Variants in PLCL1 observed in about 807,000 individuals in gnomAD.
PLCL1 encodes phospholipase C like 1 (inactive).
A neutral mutation model predicts 84.4 loss-of-function variants in PLCL1; 41 were observed. The observed-to-expected ratio is 0.49, with a 90% CI of 0.38 to 0.63. PLCL1 has a LOEUF of 0.63. Among genes scored for constraint, PLCL1 ranks in the 30% least tolerant of loss-of-function variants. PLCL1 has a pLI of 0.00. For missense variants in PLCL1, 1,206 were observed against 1,367.8 expected, an observed-to-expected ratio of 0.88 and a Z score of 1.87; for synonymous variants, 490 against 488.3, an observed-to-expected ratio of 1.00 and a Z score of -0.05.
intron 5 of PLCL1, among the ~76,000 whole-genome samples, chr2:198,110,647 T>A (rs1430090617): frequency 6.6e-6 from 1 of 151,874 alleles, no homozygotes; most frequent in East Asian, 1.9e-4. Context: ...TGGGCTACCC[T>A]TCACTTACTG....
At chr2:198,104,986 C>T (rs1693439624) in intron 5 of PLCL1, among the ~76,000 whole-genome samples, 1 of 151,874 alleles carries the variant, frequency 6.6e-6, no homozygotes, top group African/African-American at 2.4e-5. Context: ...TGTTTGCTGT[C>T]TTGATAGTTT....
At chr2:197,884,804 G>C (rs1355723360) in intron 1 of PLCL1, among the ~76,000 whole-genome samples, 1 of 151,852 alleles carries the variant, frequency 6.6e-6, no homozygotes, top group Admixed American at 6.6e-5. Flanking sequence ...GATTCTTTCA[G>C]TTACCTCCTG....
rs572646246 is a variant in PLCL1, at chr2:198,142,152, A to AT, written c.3106-4621dup. Among the ~76,000 whole-genome samples the AT allele has an allele frequency of 1.3e-3, 202 of 152,182 alleles. 2 individuals are homozygous for AT. Among genetic ancestry groups the AT allele is most frequent in the Non-Finnish European group, 2.3e-3 (157 of 67,988 alleles). On this transcript the variant is annotated intron_variant, in intron 5 of 5. Transcript: ENST00000428675. ...TTTTCATTGGTGGGGGGAGGACTGC[A>AT]TTTTTTTGGTAAAAATGGAAGTAAC...
intron 1 of PLCL1, among the ~76,000 whole-genome samples, chr2:197,922,651 C>A (rs1254305698): frequency 1.4e-5 from 2 of 139,730 alleles, no homozygotes; most frequent in African/African-American, 5.3e-5. Context: ...GCTGACCCCC[C>A]CACCCCCCCA....
At chr2:197,864,611 G>C (rs934409153) in intron 1 of PLCL1, among the ~76,000 whole-genome samples, 1 of 151,728 alleles carries the variant, frequency 6.6e-6, no homozygotes, top group Non-Finnish European at 1.5e-5. Context: ...CTCCCAAGTA[G>C]CTGGGACTAC....
intron 1 of PLCL1, among the ~76,000 whole-genome samples, chr2:198,036,791 T>C (rs1292933131): frequency 1.3e-5 from 2 of 152,052 alleles, no homozygotes; most frequent in Non-Finnish European, 2.9e-5. Flanking sequence ...GACCATTGAT[T>C]ACATAAATAC....
intron 5 of PLCL1, among the ~76,000 whole-genome samples, chr2:198,129,414 C>T (rs929247716): frequency 3.9e-5 from 6 of 152,092 alleles, no homozygotes; most frequent in Non-Finnish European, 8.8e-5. Context: ...TAACTTAAAC[C>T]CTTCAACCAA....
chr2:198,061,468 G>A (rs1692197269), intron 1 of PLCL1, among the ~76,000 whole-genome samples: 3 of 152,046 alleles, frequency 2.0e-5, no homozygotes, highest in Admixed American at 2.0e-4. Flanking sequence ...AGGAACAGCT[G>A]TTGCCTAAGA....
Position 198,086,118 on chromosome 2 carries a change from G to A in PLCL1, c.2601G>A (p.Lys867=). ...QKRSLSVRMG[K]KVREYTMLRN... ...GCAGTCTTTCAGTGAGAATGGGGAA[G>A]AAAGTTCGGGAATATACCATGCTCA... The change falls in exon 2 of 6, where the codon AAG becomes AAA. Residue 867 remains lysine, a synonymous_variant. Transcript: ENST00000428675. 2 of 1,613,930 alleles carry A rather than the reference G, an allele frequency of 1.2e-6. No homozygotes were observed. Among genetic ancestry groups the A allele is most frequent in the Non-Finnish European group, 1.7e-6 (2 of 1,179,888 alleles).
At chr2:197,936,104 T>C (rs1485987987) in intron 1 of PLCL1, among the ~76,000 whole-genome samples, 1 of 151,792 alleles carries the variant, frequency 6.6e-6, no homozygotes, top group Non-Finnish European at 1.5e-5. Context: ...TAGTATTCTA[T>C]TGTGTGTATG....
intron 1 of PLCL1, among the ~76,000 whole-genome samples, chr2:197,817,988 T>C (rs181784643): frequency 3.4e-4 from 52 of 152,164 alleles, no homozygotes; most frequent in Admixed American, 1.3e-3. Flanking sequence ...CAAAGCTCTT[T>C]TGAGTCTGAA....
At chr2:198,000,866 T>A (rs533372434) in intron 1 of PLCL1, among the ~76,000 whole-genome samples, 3 of 152,304 alleles carry the variant, frequency 2.0e-5, no homozygotes, top group South Asian at 4.1e-4. Flanking sequence ...GCACAGTTCC[T>A]ATTCTCATGG....
chr2:198,063,375 T>C (rs1038357449), intron 1 of PLCL1, among the ~76,000 whole-genome samples: 1 of 152,050 alleles, frequency 6.6e-6, no homozygotes, highest in Non-Finnish European at 1.5e-5. Context: ...GTAATAACTG[T>C]GTCCTAGAAT....
intron 1 of PLCL1, among the ~76,000 whole-genome samples, chr2:197,903,052 A>G (rs1349553813): frequency 1.3e-5 from 2 of 152,214 alleles, no homozygotes. Context: ...ATTTTGGTCC[A>G]TCAGTGAGCC....
At chr2:198,000,335 T>C (rs746495873) in intron 1 of PLCL1, among the ~76,000 whole-genome samples, 1 of 152,196 alleles carries the variant, frequency 6.6e-6, no homozygotes, top group African/African-American at 2.4e-5. Context: ...AGGTTTGTTA[T>C]CTGGCTATAT....
intron 1 of PLCL1, among the ~76,000 whole-genome samples, chr2:197,914,138 G>C (rs1371879717): frequency 1.3e-5 from 2 of 152,086 alleles, no homozygotes; most frequent in Non-Finnish European, 2.9e-5. Context: ...CAGGAGTATG[G>C]ATCCCCAATT....
chr2:197,922,754 G>A (rs1301036217), intron 1 of PLCL1, among the ~76,000 whole-genome samples: 1 of 120,264 alleles, frequency 8.3e-6, no homozygotes, highest in Non-Finnish European at 1.8e-5. Context: ...CCTCCCGGAC[G>A]GGGTGGCTGG....
At chr2:198,118,765 T>A (rs1693802938) in intron 5 of PLCL1, among the ~76,000 whole-genome samples, 1 of 152,020 alleles carries the variant, frequency 6.6e-6, no homozygotes, top group Non-Finnish European at 1.5e-5. Context: ...ACTGAATGCA[T>A]GTGAGTAGTG....
intron 1 of PLCL1, among the ~76,000 whole-genome samples, chr2:197,951,937 G>T (rs1359923584): frequency 6.6e-6 from 1 of 152,134 alleles, no homozygotes; most frequent in Non-Finnish European, 1.5e-5. Context: ...CCAGAAACCT[G>T]GAGACTAATC....
Sources: allele counts gnomAD v4.1 joint callset (sites outside exome capture counted in the v4.1 genomes callset), GRCh38; gene constraint gnomAD v4.1.1; transcripts MANE v1.5; gene names NCBI Gene and HGNC (gene_info 2026-07-23, HGNC 2026-07-21).